MACO1: variants seen among roughly 807,000 people sequenced by gnomAD.
The protein encoded by MACO1 is macoilin.
MACO1 carries 14 observed loss-of-function variants against 78.7 expected under a neutral mutation model. The observed-to-expected ratio is 0.18, with a 90% CI of 0.12 to 0.28. The LOEUF is 0.28. Ranked by LOEUF, MACO1 falls within the 10% of genes least tolerant of loss-of-function variation. The pLI, the probability that MACO1 is intolerant of heterozygous loss-of-function variation, is 1.00. For synonymous variants in MACO1, 288 were observed against 291.6 expected, an observed-to-expected ratio of 0.99 and a Z score of 0.12; for missense variants, 501 against 799.0, an observed-to-expected ratio of 0.63 and a Z score of 4.50.
rs1341627423 is a variant in MACO1, at chr1:25,485,115, C to T, written c.1314-498C>T. 6.6e-6 allele frequency among the ~76,000 whole-genome samples: 1 copy of T among 152,126 alleles called. No homozygotes were observed. The highest frequency in any genetic ancestry group is 1.5e-5 in the Non-Finnish European group (1 of 68,028). ...GACTCTAAAAGAGGATTTGGGGACA[C>T]TGTGAGCAAACATCCTGAGCTGGAA... On this transcript the variant is annotated intron_variant, in intron 7 of 10. Transcript: ENST00000374343. The surrounding 1 kb of genome is among the most constrained non-coding windows in gnomAD (Gnocchi z 4.3).
At chr1:25,446,635 T>C in intron 1 of MACO1, 127 bp from the exon 2 acceptor site, 1 of 954,106 alleles carries the variant, frequency 1.0e-6, no homozygotes, top group Non-Finnish European at 1.5e-6. Context: ...TTTTTTGTGC[T>C]TTATCTCCAT....
At chr1:25,448,700 A>G in intron 2 of MACO1, 108 bp from the exon 3 acceptor site, 2 of 1,048,832 alleles carry the variant, frequency 1.9e-6, no homozygotes, top group Non-Finnish European at 1.3e-6. Flanking sequence ...TTACCAAGTT[A>G]TCTCTTAGCA....
chr1:25,484,077 C>G (rs761388154), intron 6 of MACO1, 39 bp from the exon 7 acceptor site: 3 of 1,576,208 alleles, frequency 1.9e-6, no homozygotes, highest in South Asian at 2.4e-5. Flanking sequence ...TGTGGGTGCC[C>G]TCACCTAGAT....
intron 6 of MACO1, among the ~76,000 whole-genome samples, chr1:25,477,048 T>A (rs993512762): frequency 1.3e-5 from 2 of 152,174 alleles, no homozygotes; most frequent in African/African-American, 4.8e-5. Context: ...GAACTTATAG[T>A]CTTGTTAGAA....
intron 10 of MACO1, among the ~76,000 whole-genome samples, chr1:25,494,306 G>T (rs1275820776): frequency 6.6e-6 from 1 of 152,284 alleles, no homozygotes; most frequent in East Asian, 1.9e-4. Flanking sequence ...CGTGAAGGAG[G>T]GGGCATTGAG....
rs774762102 is a variant in MACO1 at position 25,484,217 on chromosome 1, G to A, written c.1256G>A (p.Arg419Gln). 3.7e-6 allele frequency: 6 copies of A among 1,613,964 alleles called. No homozygotes were observed. The highest frequency in any genetic ancestry group is 1.7e-4 in the Middle Eastern group (1 of 6,056). ...SQISSLSSTE[R>Q]GIRSEMGQLR... ...ATCAGCTCCCTTTCGAGCACCGAGC[G>A]AGGGATCCGCTCAGAAATGGGCCAG... Residue 419 changes from arginine (R) to glutamine (Q), a missense_variant, in exon 7 of 11, where the codon CGA becomes CAA. By Grantham distance (43) the Arg-to-Gln change is conservative. This residue lies in a region of MACO1 where 163 missense variants were observed against 271.9 expected (regional missense o/e 0.60). Transcript: ENST00000374343.
Position 25,473,862 on chromosome 1 carries a change from A to G in MACO1, c.1155-10254A>G, listed in dbSNP as rs1273367710. On this transcript the variant is annotated intron_variant, in intron 6 of 10. Coordinates refer to ENST00000374343, the MANE Select transcript of MACO1 (RefSeq NM_018202.6). ...AAAACCAACTTTCAGTTTCTTTTTT[A>G]TAGGTAGAATGACAACTCTCCTCTA... Among the ~76,000 whole-genome samples the G allele has an allele frequency of 2.0e-5, 3 of 152,132 alleles. 1 individual carries two copies. The highest frequency in any genetic ancestry group is 4.1e-4 in the South Asian group (2 of 4,826).
chr1:25,463,918 G>A (rs192747354), intron 6 of MACO1, among the ~76,000 whole-genome samples: 735 of 152,220 alleles, frequency 4.8e-3, no homozygotes, highest in South Asian at 9.3e-3. Context: ...TATACCTGCT[G>A]TCCCCACACA....
In MACO1 at chr1:25,489,168, A is replaced by T. The variant is rs2043462110; in HGVS notation, c.1497-5A>T. Reference sequence around the variant, plus strand: ...ACTTTATTTCCTTCTCTTCTTTTTCAAAAGGGGAGAATGCACCGAAACCTT... The same window carrying T: ...ACTTTATTTCCTTCTCTTCTTTTTCTAAAGGGGAGAATGCACCGAAACCTT... On this transcript the variant is annotated splice_region_variant and splice_polypyrimidine_tract_variant and intron_variant, in intron 8 of 10. Coordinates refer to ENST00000374343, the MANE Select transcript of MACO1 (RefSeq NM_018202.6). 1 of 1,612,408 alleles carries T rather than the reference A, an allele frequency of 6.2e-7. No homozygotes were observed. The highest frequency in any genetic ancestry group is 1.3e-5 in the African/African-American group (1 of 74,914).
intron 1 of MACO1, among the ~76,000 whole-genome samples, chr1:25,432,787 T>A (rs2042887375): frequency 6.6e-6 from 1 of 152,210 alleles, no homozygotes; most frequent in Non-Finnish European, 1.5e-5. Context: ...CTATTTACAG[T>A]AACATAAGAT....
chr1:25,480,048 A>G (rs2043358118), intron 6 of MACO1, among the ~76,000 whole-genome samples: 1 of 152,196 alleles, frequency 6.6e-6, no homozygotes, highest in Non-Finnish European at 1.5e-5. Context: ...TTGTTTATTC[A>G]GTTTTTGATA....
Position 25,485,557 on chromosome 1 carries a change from G to A in MACO1, c.1314-56G>A. ...GGTGATAAAGAGATGTTTCTCAAGG[G>A]TTTATAGTGGGCATTTGTAATTTTA... On this transcript the variant is annotated intron_variant, in intron 7 of 10. Transcript: ENST00000374343. The surrounding 1 kb of genome is among the most constrained non-coding windows in gnomAD (Gnocchi z 4.3). 1.3e-6 allele frequency: 2 copies of A among 1,563,862 alleles called. No individual in the cohort carries two copies. The highest frequency in any genetic ancestry group is 1.7e-6 in the Non-Finnish European group (2 of 1,153,226).
intron 6 of MACO1, among the ~76,000 whole-genome samples, chr1:25,475,812 T>G (rs2043316977): frequency 6.6e-6 from 1 of 152,226 alleles, no homozygotes; most frequent in Non-Finnish European, 1.5e-5. Flanking sequence ...ATTTTTCTCT[T>G]GCATATATAT....
intron 4 of MACO1, among the ~76,000 whole-genome samples, chr1:25,455,401 A>G (rs2043110191): frequency 6.6e-6 from 1 of 152,230 alleles, no homozygotes; most frequent in Admixed American, 6.5e-5. Flanking sequence ...AGAAACCAAA[A>G]TAAACAGTAA....
At position 25,491,548 on chromosome 1, in the gene MACO1, C is replaced by T; in HGVS notation, c.1756C>T (p.Leu586=). 6.2e-7 allele frequency: 1 copy of T among 1,614,212 alleles called. No individual in the cohort carries two copies. The highest frequency in any genetic ancestry group is 8.5e-7 in the Non-Finnish European group (1 of 1,180,048). Residue 586 remains leucine (L), a synonymous_variant, in exon 10 of 11, where the codon CTG becomes TTG. Transcript: ENST00000374343. ...AATCAAGCTGGACCTGTTCTCCGCA[C>T]TGGGCGATGCAAAGCGGCAGCTCGA... ...TRIKLDLFSA[L]GDAKRQLEIA... is the part of the protein sequence containing the mutation.
intron 3 of MACO1, among the ~76,000 whole-genome samples, chr1:25,451,957 AAAAG>A (rs1208073167): frequency 2.6e-5 from 4 of 152,150 alleles, no homozygotes; most frequent in Admixed American, 1.3e-4. Context: ...AAAGAAAAAA[AAAAG>A]AAAAGGAAAA....
chr1:25,437,461 CTT>C (rs998808392), intron 1 of MACO1, among the ~76,000 whole-genome samples: 14 of 152,026 alleles, frequency 9.2e-5, no homozygotes, highest in African/African-American at 3.4e-4. Context: ...CCACCCAACA[CTT>C]TTAAAAACCA....
intron 1 of MACO1, among the ~76,000 whole-genome samples, chr1:25,437,091 A>G (rs2042925099): frequency 6.6e-6 from 1 of 151,062 alleles, no homozygotes; most frequent in South Asian, 2.1e-4. Context: ...AAATAATCTC[A>G]TTCTGTTTTT....
At position 25,485,768 on chromosome 1, in the gene MACO1, G is replaced by C; in HGVS notation, c.1469G>C (p.Arg490Pro). 6.2e-7 allele frequency: 1 copy of C among 1,613,366 alleles called. No individual in the cohort carries two copies. The change falls in exon 8 of 11, where the codon CGG becomes CCG. Residue 490 changes from arginine (R) to proline (P), a missense_variant. Physicochemically the swap from Arg to Pro is moderately radical, Grantham distance 103. This residue lies in a region of MACO1 where 163 missense variants were observed against 271.9 expected (regional missense o/e 0.60). Coordinates refer to ENST00000374343, the MANE Select transcript of MACO1 (RefSeq NM_018202.6). The surrounding 1 kb of genome is among the most constrained non-coding windows in gnomAD (Gnocchi z 4.3). ...RKKLEEATAARAVAFAAASRG... is the reference protein window; with the variant it reads ...RKKLEEATAAPAVAFAAASRG... The stretch of plus-strand genomic sequence containing the variant: ...AAGTTAGAAGAAGCCACTGCTGCCC[G>C]GGCTGTTGCGTTTGCTGCTGCATCT...
Sources: gnomAD v4.1 joint callset for allele counts (sites outside exome capture counted in the v4.1 genomes callset) on GRCh38, gnomAD v4.1.1 for gene constraint, gnomAD v4.1.1 regional missense constraint, Gnocchi (gnomAD v3.1) non-coding constraint, MANE v1.5 for transcripts, NCBI Gene and HGNC (gene_info 2026-07-23, HGNC 2026-07-21) for gene names.